SRGAP1: variants seen among roughly 807,000 people sequenced by gnomAD.
The protein encoded by SRGAP1 is SLIT-ROBO Rho GTPase-activating protein 1.
SRGAP1 carries 43 observed loss-of-function variants against 121.9 expected under a neutral mutation model. That is an observed-to-expected ratio of 0.35 (90% CI 0.28 to 0.46). The LOEUF (loss-of-function observed/expected upper bound fraction) is 0.46. Among genes scored for constraint, SRGAP1 ranks in the 20% least tolerant of loss-of-function variants. The probability of loss-of-function intolerance (pLI) is 1.00; values close to 1 mark genes in which losing one functional copy is unlikely to be tolerated. For synonymous variants in SRGAP1, 447 were observed against 485.4 expected, an observed-to-expected ratio of 0.92 and a Z score of 1.04; for missense variants, 1,102 against 1,350.9, an observed-to-expected ratio of 0.82 and a Z score of 2.89.
At position 64,142,292 on chromosome 12, in the gene SRGAP1, T is replaced by C; in HGVS notation, c.2881-3T>C. 3.1e-6 allele frequency: 5 copies of C among 1,610,074 alleles called. No homozygotes were observed. Among genetic ancestry groups the C allele is most frequent in the Non-Finnish European group, 4.2e-6 (5 of 1,177,004 alleles). Reference sequence around the variant, plus strand: ...TTCTCTCTTTCCGATTATTCTTCAATAGGATATTGAAGAAACGATGAACAC... The same window carrying C: ...TTCTCTCTTTCCGATTATTCTTCAACAGGATATTGAAGAAACGATGAACAC... On this transcript the variant is annotated splice_polypyrimidine_tract_variant and splice_region_variant and intron_variant, in intron 21 of 21. Coordinates refer to ENST00000355086, the MANE Select transcript of SRGAP1 (RefSeq NM_020762.4).
chr12:64,076,789 G>A (rs866971680), intron 8 of SRGAP1, among the ~76,000 whole-genome samples: 1 of 151,940 alleles, frequency 6.6e-6, no homozygotes, highest in Non-Finnish European at 1.5e-5. Context: ...TGGATTACAG[G>A]CACATACCAC....
At chr12:64,131,978 C>A (rs1310459596) in intron 21 of SRGAP1, among the ~76,000 whole-genome samples, 1 of 152,040 alleles carries the variant, frequency 6.6e-6, no homozygotes, top group Non-Finnish European at 1.5e-5. Flanking sequence ...AGTTCAAGAC[C>A]AGCCTGACCA....
At chr12:63,936,075 C>T (rs2031651757) in intron 1 of SRGAP1, among the ~76,000 whole-genome samples, 1 of 152,050 alleles carries the variant, frequency 6.6e-6, no homozygotes, top group Non-Finnish European at 1.5e-5. Context: ...TCTGAATTTT[C>T]TTAAATGAAT....
intron 7 of SRGAP1, among the ~76,000 whole-genome samples, chr12:64,064,382 A>G (rs1442504691): frequency 6.6e-6 from 1 of 152,216 alleles, no homozygotes; most frequent in Non-Finnish European, 1.5e-5. Flanking sequence ...CTTATCCATA[A>G]TTGAGATCAT....
chr12:64,091,984 G>A (rs767356508), intron 12 of SRGAP1: 27 of 1,386,734 alleles, frequency 1.9e-5, no homozygotes, highest in Non-Finnish European at 2.4e-5. Context: ...TTTTCAAGTC[G>A]TGCTCATGCT....
intron 21 of SRGAP1, among the ~76,000 whole-genome samples, chr12:64,133,216 A>G (rs965830546): frequency 5.9e-5 from 9 of 152,016 alleles, no homozygotes; most frequent in Admixed American, 2.0e-4. Context: ...TTAATTTACT[A>G]TTTTTCTAGG....
chr12:64,153,422 G>C lies in SRGAP1; in HGVS notation c.*10750G>C, dbSNP rs369145777. ...CATGAGACGGAGGTTGCAGTGACCC[G>C]AGATTGTGCCACTGCACTACAGCCT... On this transcript the variant is annotated 3_prime_UTR_variant, in exon 22 of 22. Transcript: ENST00000355086. 2 of 150,030 alleles carry C rather than the reference G, an allele frequency of 1.3e-5. No individual in the cohort carries two copies. The highest frequency in any genetic ancestry group is 2.9e-5 in the Non-Finnish European group (2 of 67,858). The allele number at this position is 150,030 out of a possible 1,614,324, so 9.3% of individuals were successfully genotyped here. A position where few individuals can be genotyped will look rare whatever the true frequency, so the allele number is the denominator to read the frequency against.
rs141764924 is a variant in SRGAP1, at chr12:63,865,172, G to A, written c.67+20289G>A. On this transcript the variant is annotated intron_variant, in intron 1 of 21. Transcript: ENST00000355086. ...AATAAGTTTTTCTGAGTAAAAATCC[G>A]TAGGCAGGGCACGGTGGCTCACTCC... Among the ~76,000 whole-genome samples the A allele has an allele frequency of 1.7e-3, 258 of 152,174 alleles. 2 individuals carry two copies. The highest frequency in any genetic ancestry group is 5.9e-3 in the African/African-American group (246 of 41,530).
intron 21 of SRGAP1, among the ~76,000 whole-genome samples, chr12:64,131,937 G>T (rs978596587): frequency 1.3e-5 from 2 of 152,218 alleles, no homozygotes; most frequent in African/African-American, 4.8e-5. Flanking sequence ...AGCACTTTGG[G>T]AAGCCAAGGC....
intron 1 of SRGAP1, among the ~76,000 whole-genome samples, chr12:63,958,708 A>G (rs766502877): frequency 6.6e-6 from 1 of 152,222 alleles, no homozygotes; most frequent in African/African-American, 2.4e-5. Context: ...GCTTTCTGCA[A>G]GTGTTACTTT....
At chr12:64,055,417 G>A (rs548071506) in intron 6 of SRGAP1, among the ~76,000 whole-genome samples, 3 of 151,764 alleles carry the variant, frequency 2.0e-5, no homozygotes, top group Admixed American at 1.3e-4. Context: ...TCGTGAAAAT[G>A]GCCATACTGC....
chr12:63,949,404 TATTA>T (rs1435846543), intron 1 of SRGAP1, among the ~76,000 whole-genome samples: 19 of 60,584 alleles, frequency 3.1e-4, no homozygotes, highest in Middle Eastern at 9.6e-3. Flanking sequence ...TATTTATTAT[TATTA>T]TTATTATTAT....
intron 21 of SRGAP1, among the ~76,000 whole-genome samples, chr12:64,133,342 T>A (rs2036814274): frequency 1.3e-5 from 2 of 152,204 alleles, no homozygotes; most frequent in South Asian, 4.1e-4. Flanking sequence ...GTGCCAATTA[T>A]GCATTCTGGC....
intron 18 of SRGAP1, among the ~76,000 whole-genome samples, chr12:64,122,292 A>G (rs969635732): frequency 1.3e-5 from 2 of 152,194 alleles, no homozygotes; most frequent in African/African-American, 2.4e-5. Context: ...GCAGCATTCT[A>G]TGAAGTCTCT....
At chr12:64,004,254 C>G (rs991829474) in intron 3 of SRGAP1, among the ~76,000 whole-genome samples, 1 of 152,170 alleles carries the variant, frequency 6.6e-6, no homozygotes, top group African/African-American at 2.4e-5. Flanking sequence ...CACGCAGTCC[C>G]TCATGTCCCA....
intron 8 of SRGAP1, among the ~76,000 whole-genome samples, chr12:64,070,209 T>A (rs2035615036): frequency 6.6e-6 from 1 of 152,250 alleles, no homozygotes; most frequent in African/African-American, 2.4e-5. Context: ...GGGTCATTAC[T>A]GTTGCTTCTT....
intron 18 of SRGAP1, among the ~76,000 whole-genome samples, chr12:64,116,507 CTGTA>C (rs1185388188): frequency 6.6e-6 from 1 of 151,952 alleles, no homozygotes; most frequent in African/African-American, 2.4e-5. Context: ...TGGGATCATA[CTGTA>C]TATATTTTTC....
intron 8 of SRGAP1, among the ~76,000 whole-genome samples, chr12:64,072,921 C>CA (rs2035669351): frequency 6.6e-6 from 1 of 152,178 alleles, no homozygotes; most frequent in Non-Finnish European, 1.5e-5. Flanking sequence ...ACCCACAGCT[C>CA]AGAGTTCAAG....
rs576679606 is a variant in SRGAP1, at chr12:63,880,486, G to A, written c.67+35603G>A. 3.3e-5 allele frequency among the ~76,000 whole-genome samples: 5 copies of A among 152,104 alleles called. No homozygotes were observed. The South Asian group carries it at 8.3e-4, about 25-fold the overall frequency. On this transcript the variant is annotated intron_variant, in intron 1 of 21. Coordinates refer to ENST00000355086, the MANE Select transcript of SRGAP1 (RefSeq NM_020762.4). Reference sequence around the variant, plus strand: ...CCTCAAGTGATCCGCCCCTCCCATCGGCCTCCGAAAGTGCTGGTATTACAG... The same window carrying A: ...CCTCAAGTGATCCGCCCCTCCCATCAGCCTCCGAAAGTGCTGGTATTACAG...
Sources: allele counts gnomAD v4.1 joint callset (sites outside exome capture counted in the v4.1 genomes callset), GRCh38; gene constraint gnomAD v4.1.1; transcripts MANE v1.5; gene names NCBI Gene and HGNC (gene_info 2026-07-23, HGNC 2026-07-21).